The following ATP13A5 variants were observed in gnomAD, a reference collection of about 807,000 sequenced individuals.
The protein encoded by ATP13A5 is probable cation-transporting ATPase 13A5.
ATP13A5 carries 149 observed loss-of-function variants against 150.2 expected under a neutral mutation model. The observed-to-expected ratio is 0.99, with a 90% confidence interval of 0.87 to 1.14. The LOEUF is 1.14. Among genes scored for constraint, ATP13A5 ranks in the 50% most tolerant of loss-of-function variants. ATP13A5 has a pLI of 0.00. For missense variants in ATP13A5, 1,383 were observed against 1,449.3 expected (o/e 0.95, Z 0.74); for synonymous variants, 497 against 522.2 (o/e 0.95, Z 0.66).
chr3:193,307,990 CTATTA>C (rs551326037), intron 21 of ATP13A5, among the ~76,000 whole-genome samples: 2 of 152,052 alleles, frequency 1.3e-5, no homozygotes, highest in Non-Finnish European at 2.9e-5. Context: ...TGCCTGCCTT[CTATTA>C]TAAGTTATAC....
At chr3:193,315,699 T>G (rs1719022984) in intron 17 of ATP13A5, among the ~76,000 whole-genome samples, 1 of 152,116 alleles carries the variant, frequency 6.6e-6, no homozygotes, top group African/African-American at 2.4e-5. Flanking sequence ...AAAAGTAAAT[T>G]TGGGGGCCAA....
intron 5 of ATP13A5, among the ~76,000 whole-genome samples, chr3:193,361,280 C>A (rs1003801529): frequency 6.6e-6 from 1 of 152,156 alleles, no homozygotes; most frequent in Admixed American, 6.5e-5. Context: ...AGGCATTTTG[C>A]AATATTGTCC....
At chr3:193,327,142 A>G (rs1468849081) in intron 12 of ATP13A5, 85 bp from the exon 13 acceptor site, 84 of 1,190,392 alleles carry the variant, frequency 7.1e-5, no homozygotes, top group Non-Finnish European at 1.5e-5. Context: ...AGTTTCTAAG[A>G]TATTATAGTA....
intron 26 of ATP13A5, among the ~76,000 whole-genome samples, chr3:193,286,322 T>C (rs188090742): frequency 1.8e-4 from 26 of 145,548 alleles, no homozygotes; most frequent in Non-Finnish European, 3.8e-4. Flanking sequence ...AGGCACACTT[T>C]GCTTTATTAT....
intron 28 of ATP13A5, among the ~76,000 whole-genome samples, chr3:193,278,279 T>G (rs929003107): frequency 7.9e-5 from 12 of 152,222 alleles, no homozygotes; most frequent in Non-Finnish European, 5.9e-5. Context: ...TCCTCTCACA[T>G]GTAGTCTTCC....
In ATP13A5 at chr3:193,324,901, T is replaced by C; in HGVS notation, c.1637A>G (p.Asp546Gly). The change falls in exon 14 of 30, where the codon GAC becomes GGC. Residue 546 changes from aspartate (D) to glycine (G), a missense_variant. Transcript: ENST00000342358. Reference protein sequence around the residue: ...LILLNGTIQGDPLDLKMFEGT... With the variant: ...LILLNGTIQGGPLDLKMFEGT... The stretch of plus-strand genomic sequence containing the variant: ...CTCAAACATTTTGAGGTCCAGAGGG[T>C]CTCCCTGGATGGTCCCATTGAGAAG... The C allele has an allele frequency of 6.2e-7, 1 of 1,613,832 alleles. No homozygotes were observed.
chr3:193,296,782 T>A (rs1450064476), intron 25 of ATP13A5, among the ~76,000 whole-genome samples: 8 of 152,270 alleles, frequency 5.3e-5, no homozygotes, highest in Admixed American at 5.2e-4. Flanking sequence ...TTGGGCAGTA[T>A]GGCCATTTTC....
chr3:193,314,088 G>A lies in ATP13A5; in HGVS notation c.2264C>T (p.Pro755Leu), dbSNP rs1304456107. The stretch of plus-strand genomic sequence containing the variant: ...CACCAGCTGCCAGGTCACAGAGGCA[G>A]GAACAAATTCTTCTGGTTCATCGGC... ...VEADEPEEFV[P>L]ASVTWQLVEN... The change falls in exon 19 of 30, where the codon CCT (proline) becomes CTT (leucine). Residue 755 changes from proline to leucine, a missense_variant. Physicochemically the swap from Pro to Leu is moderately conservative, Grantham distance 98. This residue lies in a region of ATP13A5 where 568 missense variants were observed against 621.5 expected (regional missense o/e 0.91). Coordinates refer to ENST00000342358, the MANE Select transcript of ATP13A5 (RefSeq NM_198505.4). 5.6e-6 allele frequency: 9 copies of A among 1,613,806 alleles called. No homozygotes were observed. Among genetic ancestry groups the A allele is most frequent in the Non-Finnish European group, 6.8e-6 (8 of 1,179,908 alleles).
intron 1 of ATP13A5, among the ~76,000 whole-genome samples, chr3:193,365,319 A>G (rs1713200451): frequency 6.6e-6 from 1 of 152,164 alleles, no homozygotes; most frequent in African/African-American, 2.4e-5. Flanking sequence ...AGATCATGCT[A>G]TAAAACATCT....
Position 193,314,962 on chromosome 3 carries a change from A to G in ATP13A5, c.2158+10T>C. On this transcript the variant is annotated intron_variant, in intron 18 of 29. Coordinates refer to ENST00000342358, the MANE Select transcript of ATP13A5 (RefSeq NM_198505.4). Reference sequence around the variant, plus strand: ...ATCAACTTGCCAGGCCCCTAGAAACAAATACATACCTGTAATCATCACAGT... The same window carrying G: ...ATCAACTTGCCAGGCCCCTAGAAACGAATACATACCTGTAATCATCACAGT... 1 of 1,611,808 alleles carries G rather than the reference A, an allele frequency of 6.2e-7. No homozygotes were observed. Among genetic ancestry groups the G allele is most frequent in the Non-Finnish European group, 8.5e-7 (1 of 1,178,674 alleles).
At chr3:193,303,322 GCTTCC>G (rs1718477366) in intron 23 of ATP13A5, among the ~76,000 whole-genome samples, 1 of 152,072 alleles carries the variant, frequency 6.6e-6, no homozygotes, top group Non-Finnish European at 1.5e-5. Flanking sequence ...CCTACTGAAA[GCTTCC>G]CTCCTGGCTT....
At chr3:193,288,142 G>A (rs1717793822) in intron 26 of ATP13A5, among the ~76,000 whole-genome samples, 1 of 152,094 alleles carries the variant, frequency 6.6e-6, no homozygotes, top group African/African-American at 2.4e-5. Flanking sequence ...TTCTTGAGAT[G>A]GAATCTGCTC....
chr3:193,345,058 A>G lies in ATP13A5; in HGVS notation c.759T>C (p.His253=), dbSNP rs372291780. The G allele has an allele frequency of 3.8e-5, 61 of 1,613,556 alleles. No homozygotes were observed. The highest frequency in any genetic ancestry group is 5.1e-5 in the Non-Finnish European group (60 of 1,179,684). The change falls in exon 8 of 30, where the codon CAT becomes CAC. Residue 253 remains histidine, a synonymous_variant. Transcript: ENST00000342358. ...YDLRQQSVKL[H]NLVEDHNKVQ... Reference sequence around the variant, plus strand: ...CTTTGTTGTGGTCCTCCACGAGGTTATGCAGCTTAACTGATTGCTACCAAG... The same window carrying G: ...CTTTGTTGTGGTCCTCCACGAGGTTGTGCAGCTTAACTGATTGCTACCAAG...
chr3:193,342,454 A>C (rs1345945185), intron 9 of ATP13A5, among the ~76,000 whole-genome samples: 1 of 152,208 alleles, frequency 6.6e-6, no homozygotes, highest in African/African-American at 2.4e-5. Context: ...ACAAAAAAGA[A>C]ATAATGTATT....
At chr3:193,340,912 C>T (rs1051564065) in intron 9 of ATP13A5, among the ~76,000 whole-genome samples, 1 of 152,146 alleles carries the variant, frequency 6.6e-6, no homozygotes, top group African/African-American at 2.4e-5. Context: ...AGTTCCTGCT[C>T]CATAGTAGGG....
chr3:193,275,245 A>G lies in ATP13A5; in HGVS notation c.3454T>C (p.Tyr1152His). The change falls in exon 30 of 30, where the codon TAC (tyrosine) becomes CAC (histidine). Residue 1152 changes from tyrosine to histidine, a missense_variant. Coordinates refer to ENST00000342358, the MANE Select transcript of ATP13A5 (RefSeq NM_198505.4). ...WLLIKREFGF[Y>H]SKSQYRTWQK... Reference sequence around the variant, plus strand: ...CAAGTCCTATATTGACTTTTAGAGTAGAATCCAAATTCTCTTTTGATCAAC... The same window carrying G: ...CAAGTCCTATATTGACTTTTAGAGTGGAATCCAAATTCTCTTTTGATCAAC... 1.2e-6 allele frequency: 2 copies of G among 1,614,188 alleles called. No homozygotes were observed. The highest frequency in any genetic ancestry group is 1.7e-6 in the Non-Finnish European group (2 of 1,180,046).
intron 21 of ATP13A5, among the ~76,000 whole-genome samples, chr3:193,307,736 C>G (rs182438174): frequency 2.4e-4 from 37 of 152,178 alleles, no homozygotes; most frequent in East Asian, 1.2e-3. Context: ...GATCATAACC[C>G]AATCCAGCTG....
intron 29 of ATP13A5, among the ~76,000 whole-genome samples, chr3:193,276,380 G>A (rs1035455204): frequency 2.2e-4 from 34 of 152,100 alleles, no homozygotes; most frequent in Admixed American, 5.2e-4. Flanking sequence ...GAAACCCTGC[G>A]GAAGGCAGTT....
intron 24 of ATP13A5, among the ~76,000 whole-genome samples, chr3:193,299,549 C>T (rs1718322075): frequency 6.6e-6 from 1 of 152,148 alleles, no homozygotes; most frequent in Non-Finnish European, 1.5e-5. Context: ...AAATGTTATA[C>T]TTAAAATTTG....
Sources: allele counts gnomAD v4.1 joint callset (sites outside exome capture counted in the v4.1 genomes callset), GRCh38; gene constraint gnomAD v4.1.1; regional missense constraint gnomAD v4.1.1; transcripts MANE v1.5; gene names NCBI Gene and HGNC (gene_info 2026-07-23, HGNC 2026-07-21).